The following SLC1A2 variants were observed in gnomAD, a reference collection of about 807,000 sequenced individuals.
SLC1A2 encodes the protein solute carrier family 1 member 2.
Under a neutral mutation model 48.8 loss-of-function variants are expected in SLC1A2, and 15 were observed. The observed-to-expected ratio is 0.31, with a 90% CI of 0.21 to 0.47. The LOEUF (loss-of-function observed/expected upper bound fraction) is 0.47. SLC1A2 is among the 20% of genes least tolerant of loss of function. The pLI, the probability that SLC1A2 is intolerant of heterozygous loss-of-function variation, is 0.99. For synonymous variants in SLC1A2, 279 were observed against 272.6 expected, an observed-to-expected ratio of 1.02 and a Z score of -0.23; for missense variants, 502 against 730.5, an observed-to-expected ratio of 0.69 and a Z score of 3.61.
chr11:35,368,772 G>A (rs188027146), intron 1 of SLC1A2, among the ~76,000 whole-genome samples: 142 of 152,312 alleles, frequency 9.3e-4, no homozygotes, highest in African/African-American at 3.2e-3. Flanking sequence ...GTAGATTCAG[G>A]CCCAGCCATG....
chr11:35,419,178 G>C lies in SLC1A2; in HGVS notation c.-212C>G. 2.2e-6 allele frequency: 1 copy of C among 458,728 alleles called. No homozygotes were observed. Among genetic ancestry groups the C allele is most frequent in the Admixed American group, 4.2e-5 (1 of 23,822 alleles). The allele number at this position is 458,728 out of a possible 1,614,324, so 28.4% of individuals were successfully genotyped here. On this transcript the variant is annotated 5_prime_UTR_variant, in exon 1 of 11. Coordinates refer to ENST00000278379, the MANE Select transcript of SLC1A2 (RefSeq NM_004171.4). This position sits in a 1 kb window ranked among gnomAD's most constrained non-coding sequence, Gnocchi z 5.4. ...GCTAATCCGCGTCCCGGCTCTCCAC[G>C]GCGCGCGACCCGCGCTCCCCTCCGC...
chr11:35,358,288 A>AT (rs899900388), intron 1 of SLC1A2, among the ~76,000 whole-genome samples: 1 of 152,112 alleles, frequency 6.6e-6, no homozygotes, highest in Non-Finnish European at 1.5e-5. Context: ...ATTGCAGGTG[A>AT]TTTTTTTCCC....
chr11:35,280,127 C>A (rs965583672), intron 9 of SLC1A2, among the ~76,000 whole-genome samples: 2 of 152,164 alleles, frequency 1.3e-5, no homozygotes, highest in South Asian at 4.1e-4. Flanking sequence ...TCTCTATCCC[C>A]CTATACCTGG....
At chr11:35,396,847 A>C (rs1412933781) in intron 1 of SLC1A2, among the ~76,000 whole-genome samples, 1 of 152,064 alleles carries the variant, frequency 6.6e-6, no homozygotes, top group Non-Finnish European at 1.5e-5. Flanking sequence ...ATACAAAATC[A>C]ATGTGCAAAA....
At chr11:35,406,780 A>G (rs1162765284) in intron 1 of SLC1A2, among the ~76,000 whole-genome samples, 1 of 152,204 alleles carries the variant, frequency 6.6e-6, no homozygotes, top group Non-Finnish European at 1.5e-5. Flanking sequence ...GTACTATGAT[A>G]ATTTCCAGAC....
rs1041924099 is a variant in SLC1A2 at position 35,257,846 on chromosome 11, G to A, written c.*3048C>T. On this transcript the variant is annotated 3_prime_UTR_variant, in exon 11 of 11. Transcript: ENST00000278379. ...ATTTACAGACCTTACAGGATGCAGT[G>A]TATGTATGTTTCTGGCCTGCTGTAA... 6.6e-6 allele frequency: 1 copy of A among 152,208 alleles called. No homozygotes were observed. Among genetic ancestry groups the A allele is most frequent in the African/African-American group, 2.4e-5 (1 of 41,450 alleles). 9.4% of individuals were successfully genotyped at this position (152,208 alleles called of 1,614,324 possible).
intron 1 of SLC1A2, among the ~76,000 whole-genome samples, chr11:35,394,494 G>A (rs1854890726): frequency 6.6e-6 from 1 of 152,132 alleles, no homozygotes; most frequent in Admixed American, 6.5e-5. Context: ...CCTAACTTTG[G>A]TCAAAAGAGC....
chr11:35,325,554 T>A (rs1414686008), intron 1 of SLC1A2, among the ~76,000 whole-genome samples: 2 of 152,192 alleles, frequency 1.3e-5, no homozygotes, highest in African/African-American at 2.4e-5. Flanking sequence ...CACAGGTTCT[T>A]TGTGACACTC....
chr11:35,254,370 A>G lies in SLC1A2; in HGVS notation c.*6524T>C. The stretch of plus-strand genomic sequence containing the variant: ...AGAAAAATCTAGATGCCAAAGGATG[A>G]CTTTCTATAAGGGAAGTAACTCTTA... On this transcript the variant is annotated 3_prime_UTR_variant, in exon 11 of 11. Coordinates refer to ENST00000278379, the MANE Select transcript of SLC1A2 (RefSeq NM_004171.4). 6.3e-6 allele frequency: 1 copy of G among 157,988 alleles called. No individual in the cohort carries two copies. The highest frequency in any genetic ancestry group is 1.8e-4 in the South Asian group (1 of 5,448). The allele number at this position is 157,988 out of a possible 1,614,324, so 9.8% of individuals were successfully genotyped here.
chr11:35,409,068 C>T (rs1357305143), intron 1 of SLC1A2, among the ~76,000 whole-genome samples: 4 of 152,192 alleles, frequency 2.6e-5, no homozygotes. Context: ...GCAGAGTCAA[C>T]TGATGCAAGA....
intron 9 of SLC1A2, among the ~76,000 whole-genome samples, chr11:35,273,225 A>G (rs1406349422): frequency 2.6e-5 from 4 of 152,198 alleles, no homozygotes; most frequent in Non-Finnish European, 5.9e-5. Flanking sequence ...AGGGTGTGGA[A>G]GAGGGGTCAC....
chr11:35,352,183 C>G (rs1165041354), intron 1 of SLC1A2: 1 of 152,184 alleles, frequency 6.6e-6, no homozygotes, highest in African/African-American at 2.4e-5. Context: ...CAAAGAACTA[C>G]TTAATCTATA....
chr11:35,304,988 C>A (rs1284736957), intron 5 of SLC1A2, among the ~76,000 whole-genome samples: 3 of 152,212 alleles, frequency 2.0e-5, no homozygotes, highest in Non-Finnish European at 4.4e-5. Context: ...CTACTGAGCT[C>A]ATTCATCTCT....
intron 8 of SLC1A2, 131 bp from the exon 9 acceptor site, chr11:35,281,132 C>T: frequency 8.0e-7 from 1 of 1,254,920 alleles, no homozygotes. Flanking sequence ...TACTCTCCAC[C>T]AAGGAATAGA....
At chr11:35,358,660 T>C (rs1319258279) in intron 1 of SLC1A2, among the ~76,000 whole-genome samples, 1 of 152,218 alleles carries the variant, frequency 6.6e-6, no homozygotes, top group Non-Finnish European at 1.5e-5. Context: ...TATCATCATC[T>C]TGGACTTCTG....
At chr11:35,331,880 ACT>A (rs1314237526) in intron 1 of SLC1A2, among the ~76,000 whole-genome samples, 1 of 151,854 alleles carries the variant, frequency 6.6e-6, no homozygotes, top group African/African-American at 2.4e-5. Flanking sequence ...TAGGCCTTAG[ACT>A]CTGTGAAGGA....
At chr11:35,365,954 G>GT (rs1246553490) in intron 1 of SLC1A2, among the ~76,000 whole-genome samples, 1 of 152,186 alleles carries the variant, frequency 6.6e-6, no homozygotes, top group Admixed American at 6.5e-5. Context: ...CACCAAGTGG[G>GT]TAGAGGACAG....
At chr11:35,353,120 G>T (rs557278591) in intron 1 of SLC1A2, among the ~76,000 whole-genome samples, 2 of 151,990 alleles carry the variant, frequency 1.3e-5, no homozygotes, top group Non-Finnish European at 2.9e-5. Flanking sequence ...ACTATAGTAT[G>T]TCTCTTTTTA....
intron 1 of SLC1A2, among the ~76,000 whole-genome samples, chr11:35,319,384 A>G (rs888683433): frequency 1.3e-5 from 2 of 152,228 alleles, no homozygotes; most frequent in African/African-American, 4.8e-5. Context: ...GGAAATGTCA[A>G]ACAAAGAATG....
Sources: gnomAD v4.1 joint callset for allele counts (sites outside exome capture counted in the v4.1 genomes callset) on GRCh38, gnomAD v4.1.1 for gene constraint, Gnocchi (gnomAD v3.1) non-coding constraint, MANE v1.5 for transcripts, NCBI Gene and HGNC (gene_info 2026-07-23, HGNC 2026-07-21) for gene names.